The following N4BP2 variants were observed in gnomAD, a reference collection of about 807,000 sequenced individuals.
N4BP2 encodes the protein NEDD4-binding protein 2.
N4BP2 carries 91 observed loss-of-function variants against 152.8 expected under a neutral mutation model. That is an observed-to-expected ratio of 0.60 (90% confidence interval 0.50 to 0.71). The LOEUF (loss-of-function observed/expected upper bound fraction) is 0.71, where lower values mean the gene tolerates loss of function less well. N4BP2 is among the 30% of genes least tolerant of loss of function. The pLI is 0.00. For missense variants in N4BP2, 1,923 were observed against 2,059.1 expected, an observed-to-expected ratio of 0.93 and a Z score of 1.28; for synonymous variants, 646 against 705.3, an observed-to-expected ratio of 0.92 and a Z score of 1.33.
chr4:40,141,660 A>G (rs1028083909), intron 14 of N4BP2, among the ~76,000 whole-genome samples: 2 of 146,580 alleles, frequency 1.4e-5, no homozygotes, highest in South Asian at 2.2e-4. Flanking sequence ...CCAGGCAGAG[A>G]CGCTCCTCAC....
chr4:40,162,833 C>A (rs149733638), downstream of N4BP2, among the ~76,000 whole-genome samples: 1 of 152,148 alleles, frequency 6.6e-6, no homozygotes, highest in Non-Finnish European at 1.5e-5. Context: ...AGCAGGAGAA[C>A]TAGGGAAGCC....
Position 40,133,141 on chromosome 4 carries a change from A to G in N4BP2, c.4646+1222A>G, listed in dbSNP as rs115817789. On this transcript the variant is annotated intron_variant, in intron 13 of 17. Coordinates refer to ENST00000261435, the MANE Select transcript of N4BP2 (RefSeq NM_018177.6). Reference sequence around the variant, plus strand: ...TCTATTTTATGCTGTCTTATCATTTATTTTTTACTGATATCTTTCTCTTAA... The same window carrying G: ...TCTATTTTATGCTGTCTTATCATTTGTTTTTTACTGATATCTTTCTCTTAA... Among the ~76,000 whole-genome samples the G allele has an allele frequency of 4.3e-3, 656 of 151,944 alleles. 2 individuals carry two copies. Among genetic ancestry groups the G allele is most frequent in the Non-Finnish European group, 7.9e-3 (534 of 67,930 alleles).
Position 40,102,277 on chromosome 4 carries a change from C to G in N4BP2, c.432C>G (p.Ser144=). The change falls in exon 4 of 18, where the codon TCC becomes TCG. Residue 144 remains serine (S), a synonymous_variant. Coordinates refer to ENST00000261435, the MANE Select transcript of N4BP2 (RefSeq NM_018177.6). ...LDMQLTEDLD[S]LIQNAFEKLN... Reference sequence around the variant, plus strand: ...TGCAGCTAACTGAAGACCTGGATTCCTTAATACAGAATGCTTTTGAGAAAT... The same window carrying G: ...TGCAGCTAACTGAAGACCTGGATTCGTTAATACAGAATGCTTTTGAGAAAT... The G allele has an allele frequency of 1.2e-6, 2 of 1,613,412 alleles. No homozygotes were observed.
the N4BP2 span, among the ~76,000 whole-genome samples, chr4:40,178,394 G>A: frequency 4.1e-4 from 62 of 149,874 alleles, no homozygotes; most frequent in South Asian, 8.6e-4. Context: ...GAAAACCTCC[G>A]GCAAGACTAC....
Position 40,102,098 on chromosome 4 carries a change from T to C in N4BP2, c.253T>C (p.Leu85=). The change falls in exon 4 of 18, where the codon TTA becomes CTA. Residue 85 remains leucine (L), a synonymous_variant. Coordinates refer to ENST00000261435, the MANE Select transcript of N4BP2 (RefSeq NM_018177.6). ...FKVENAMDCL[L]ELSATDTKIE... The stretch of plus-strand genomic sequence containing the variant: ...AGTTGAAAATGCTATGGATTGTCTA[T>C]TAGAATTATCTGCCACTGATACCAA... 1 of 1,604,074 alleles carries C rather than the reference T, an allele frequency of 6.2e-7. No homozygotes were observed. Among genetic ancestry groups the C allele is most frequent in the South Asian group, 1.1e-5 (1 of 89,968 alleles).
chr4:40,186,156 G>C, the N4BP2 span, among the ~76,000 whole-genome samples: 1 of 152,056 alleles, frequency 6.6e-6, no homozygotes, highest in African/African-American at 2.4e-5. Context: ...GAGTCTGTCT[G>C]GAAGTTTGAA....
intron 8 of N4BP2, among the ~76,000 whole-genome samples, chr4:40,118,235 A>G (rs146070102): frequency 5.2e-4 from 79 of 152,252 alleles, no homozygotes; most frequent in African/African-American, 1.8e-3. Flanking sequence ...CCTGACCAAC[A>G]TGGAGAAACC....
intron 1 of N4BP2, among the ~76,000 whole-genome samples, chr4:40,062,736 C>G (rs1309280027): frequency 6.6e-6 from 1 of 152,084 alleles, no homozygotes; most frequent in Non-Finnish European, 1.5e-5. Flanking sequence ...AAGCTTCTAT[C>G]TGTCTGGAAT....
At chr4:40,165,760 G>T in the N4BP2 span, among the ~76,000 whole-genome samples, 1 of 152,160 alleles carries the variant, frequency 6.6e-6, no homozygotes, top group Non-Finnish European at 1.5e-5. Flanking sequence ...AGGATGTCAT[G>T]TTCAGAAGTC....
chr4:40,100,619 G>C (rs1369780832), intron 3 of N4BP2, among the ~76,000 whole-genome samples: 2 of 152,020 alleles, frequency 1.3e-5, no homozygotes, highest in Non-Finnish European at 2.9e-5. Context: ...CGATCTACCT[G>C]CCTCAGCCTC....
intron 17 of N4BP2, 94 bp from the exon 18 acceptor site, chr4:40,154,098 A>G: frequency 2.4e-6 from 2 of 844,070 alleles, no homozygotes; most frequent in South Asian, 3.0e-5. Flanking sequence ...TAAATATTAT[A>G]TTAAGCGTAG....
At chr4:40,135,079 C>T (rs1719259866) in intron 13 of N4BP2, among the ~76,000 whole-genome samples, 2 of 140,358 alleles carry the variant, frequency 1.4e-5, no homozygotes, top group Admixed American at 7.1e-5. Context: ...GGTATATCTC[C>T]CAATGCTATC....
At chr4:40,139,669 T>A (rs1719726101) in intron 14 of N4BP2, among the ~76,000 whole-genome samples, 1 of 151,926 alleles carries the variant, frequency 6.6e-6, no homozygotes, top group Non-Finnish European at 1.5e-5. Context: ...TTTTTTGTAT[T>A]TTTAGTAGAG....
chr4:40,142,483 G>A (rs541622229), intron 14 of N4BP2, 190 bp from the exon 15 acceptor site: 146 of 539,472 alleles, frequency 2.7e-4, no homozygotes, highest in Middle Eastern at 1.0e-3. Context: ...TAACCTTAGC[G>A]GCATAAAAAA....
At chr4:40,164,539 G>A in the N4BP2 span, among the ~76,000 whole-genome samples, 7,986 of 152,220 alleles carry the variant, frequency 0.052, 622 homozygotes, top group East Asian at 0.4. Flanking sequence ...CTTTATTTGC[G>A]TGGTCTCCAT....
In N4BP2 at chr4:40,090,952, A is replaced by AAAAGGTGT. The variant is rs368159426; in HGVS notation, c.-114-6274_-114-6273insAAGGTGTA. On this transcript the variant is annotated intron_variant, in intron 2 of 17. Transcript: ENST00000261435. ...AGTCTCAAAAAAAAAAAAAAAAAAA[A>AAAAGGTGT]AGTTTATAAGATCCTATTGAGGTTA... is the stretch of plus-strand genomic sequence containing the variant. 1.0e-4 allele frequency among the ~76,000 whole-genome samples: 10 copies of AAAAGGTGT among 100,074 alleles called. 2 individuals carry two copies. The highest frequency in any genetic ancestry group is 2.7e-4 in the African/African-American group (7 of 26,308). The allele number at this position is 100,074 out of a possible 152,430, so 65.7% of individuals were successfully genotyped here.
chr4:40,057,915 C>G (rs1509813), intron 1 of N4BP2, among the ~76,000 whole-genome samples: 7 of 152,242 alleles, frequency 4.6e-5, no homozygotes, highest in Admixed American at 4.6e-4. Flanking sequence ...CAGGTTTGTA[C>G]ACATTCTCGC....
At position 40,117,957 on chromosome 4, in the gene N4BP2, T is replaced by C; in HGVS notation, c.1753T>C (p.Ser585Pro). Residue 585 changes from serine (S) to proline (P), a missense_variant, in exon 8 of 18, where the codon TCT (serine) becomes CCT (proline). Ser to Pro is a moderately conservative substitution (Grantham distance 74, BLOSUM62 -1). Transcript: ENST00000261435. ...RFVSVPIIMSSSVPEKIERIE... is the reference protein window; with the variant it reads ...RFVSVPIIMSPSVPEKIERIE... ...TGTTTCAGTGCCAATAATTATGAGT[T>C]CTTCGGTTCCAGAGAAAATTGAACG... The C allele has an allele frequency of 6.2e-7, 1 of 1,612,920 alleles. No homozygotes were observed. The highest frequency in any genetic ancestry group is 1.3e-5 in the African/African-American group (1 of 75,006).
chr4:40,163,186 G>T (rs1160796873), downstream of N4BP2, among the ~76,000 whole-genome samples: 1 of 152,220 alleles, frequency 6.6e-6, no homozygotes, highest in African/African-American at 2.4e-5. Context: ...AAGGATTTGT[G>T]TATGTATTTG....
Sources: allele counts gnomAD v4.1 joint callset (sites outside exome capture counted in the v4.1 genomes callset), GRCh38; gene constraint gnomAD v4.1.1; transcripts MANE v1.5; gene names NCBI Gene and HGNC (gene_info 2026-07-23, HGNC 2026-07-21).